The following PIK3R3 variants were observed in gnomAD, a reference collection of about 807,000 sequenced individuals.
PIK3R3 encodes the protein phosphoinositide-3-kinase regulatory subunit 3.
In PIK3R3, 64 loss-of-function variants were observed where a neutral mutation model predicts 62.9. The observed-to-expected ratio is 1.02, with a 90% CI of 0.83 to 1.25. The LOEUF is 1.25. Among genes scored for constraint, PIK3R3 ranks in the 50% most tolerant of loss-of-function variants. The pLI is 0.00. For missense variants in PIK3R3, 614 were observed against 561.6 expected, an observed-to-expected ratio of 1.09 and a Z score of -0.94; for synonymous variants, 165 against 189.0, an observed-to-expected ratio of 0.87 and a Z score of 1.04.
chr1:46,100,074 C>T (rs1045076704), intron 1 of PIK3R3, among the ~76,000 whole-genome samples: 1 of 151,968 alleles, frequency 6.6e-6, no homozygotes, highest in Non-Finnish European at 1.5e-5. Flanking sequence ...AGTTATTTTT[C>T]CTGCAAATAT....
intron 1 of PIK3R3, among the ~76,000 whole-genome samples, chr1:46,105,925 G>A (rs1041119829): frequency 1.3e-5 from 2 of 151,986 alleles, no homozygotes; most frequent in Non-Finnish European, 2.9e-5. Flanking sequence ...ATTAAGATAT[G>A]GCATAAATGA....
the PIK3R3 span, among the ~76,000 whole-genome samples, chr1:46,144,843 G>A: frequency 1.3e-5 from 2 of 151,850 alleles, no homozygotes; most frequent in African/African-American, 4.8e-5. Flanking sequence ...ACTGGGTTGA[G>A]GCTGGGCACG....
chr1:46,088,851 G>A (rs12123155), intron 1 of PIK3R3, among the ~76,000 whole-genome samples: 1 of 145,726 alleles, frequency 6.9e-6, no homozygotes, highest in African/African-American at 2.6e-5. Flanking sequence ...TGGGGGAAAA[G>A]AGAAGGTCCT....
intron 1 of PIK3R3, among the ~76,000 whole-genome samples, chr1:46,100,449 C>T (rs1387826620): frequency 6.6e-6 from 1 of 152,050 alleles, no homozygotes; most frequent in African/African-American, 2.4e-5. Context: ...TCTTTATATT[C>T]GGGGGTTCTA....
At chr1:46,065,800 A>C (rs1648933675) in intron 5 of PIK3R3, among the ~76,000 whole-genome samples, 1 of 152,252 alleles carries the variant, frequency 6.6e-6, no homozygotes, top group Non-Finnish European at 1.5e-5. Context: ...CTATATACAC[A>C]TGAAAGAAAA....
chr1:46,107,653 A>C (rs1388775367), intron 1 of PIK3R3, among the ~76,000 whole-genome samples: 1 of 152,210 alleles, frequency 6.6e-6, no homozygotes, highest in Non-Finnish European at 1.5e-5. Flanking sequence ...TTCACAGTCC[A>C]AGTTCAAATA....
chr1:46,081,597 C>T, intron 1 of PIK3R3, among the ~76,000 whole-genome samples: 1 of 152,150 alleles, frequency 6.6e-6, no homozygotes, highest in East Asian at 1.9e-4. Context: ...TACCCCCAGC[C>T]TAACCCCACC....
At chr1:46,119,022 C>T (rs1483061314) in intron 1 of PIK3R3, among the ~76,000 whole-genome samples, 1 of 152,150 alleles carries the variant, frequency 6.6e-6, no homozygotes, top group African/African-American at 2.4e-5. Context: ...ATGACCTGCT[C>T]TCCCATTGCT....
At chr1:46,071,602 G>A (rs1389412959) in intron 3 of PIK3R3, among the ~76,000 whole-genome samples, 1 of 148,960 alleles carries the variant, frequency 6.7e-6, no homozygotes, top group Non-Finnish European at 1.5e-5. Flanking sequence ...GCTGAGGCAG[G>A]AGAATCACTT....
chr1:46,065,973 G>C (rs974852962), intron 5 of PIK3R3, 81 bp downstream of exon 5: 2 of 1,251,380 alleles, frequency 1.6e-6, no homozygotes, highest in African/African-American at 2.9e-5. Flanking sequence ...AACAGCTAAA[G>C]ATCATCAAGT....
the PIK3R3 span, among the ~76,000 whole-genome samples, chr1:46,139,935 G>A: frequency 2.6e-5 from 4 of 152,124 alleles, no homozygotes; most frequent in African/African-American, 4.8e-5. Flanking sequence ...CCAGGACCCT[G>A]CAAACAAGAA....
chr1:46,090,533 C>A (rs1651529036), intron 1 of PIK3R3, among the ~76,000 whole-genome samples: 1 of 151,832 alleles, frequency 6.6e-6, no homozygotes, highest in South Asian at 2.1e-4. Flanking sequence ...GGGGGTTTCA[C>A]CATACTGGCC....
intron 1 of PIK3R3, among the ~76,000 whole-genome samples, chr1:46,103,063 C>A (rs549064177): frequency 2.6e-5 from 4 of 152,124 alleles, no homozygotes; most frequent in East Asian, 3.9e-4. Flanking sequence ...GTGAAATAAG[C>A]CAAAGACAAA....
chr1:46,056,266 G>A (rs1053529820), intron 6 of PIK3R3: 10 of 216,910 alleles, frequency 4.6e-5, no homozygotes, highest in African/African-American at 2.1e-4. Flanking sequence ...GACCAGGCTG[G>A]TCTCAAACTT....
Position 46,043,564 on chromosome 1 carries a change from C to T in PIK3R3, c.*109G>A. 6.1e-6 allele frequency: 6 copies of T among 985,332 alleles called. No individual in the cohort carries two copies. Among genetic ancestry groups the T allele is most frequent in the Non-Finnish European group, 7.7e-6 (5 of 652,436 alleles). 61.0% of individuals were successfully genotyped at this position (985,332 alleles called of 1,614,324 possible). A position where few individuals can be genotyped will look rare whatever the true frequency, so the allele number is the denominator to read the frequency against. ...CCTCTCCACTTCACATTCACAAAAT[C>T]ACTTCTTGTGCAAAACAAGCAGTCT... On this transcript the variant is annotated 3_prime_UTR_variant, in exon 10 of 10. Transcript: ENST00000262741.
intron 3 of PIK3R3, among the ~76,000 whole-genome samples, chr1:46,069,871 C>T (rs1406555626): frequency 2.0e-5 from 3 of 152,130 alleles, no homozygotes; most frequent in African/African-American, 7.2e-5. Flanking sequence ...AAAACCAATA[C>T]GTACAAAAGC....
At chr1:46,060,522 A>C (rs893676731) in intron 6 of PIK3R3, among the ~76,000 whole-genome samples, 1 of 152,222 alleles carries the variant, frequency 6.6e-6, no homozygotes, top group African/African-American at 2.4e-5. Context: ...CATTTACTGA[A>C]AGCACATCAT....
At chr1:46,105,642 G>A (rs1019236881) in intron 1 of PIK3R3, among the ~76,000 whole-genome samples, 4 of 151,956 alleles carry the variant, frequency 2.6e-5, no homozygotes, top group South Asian at 2.1e-4. Flanking sequence ...CCAACACAGC[G>A]AAACCCCATC....
chr1:46,145,078 G>A, the PIK3R3 span, among the ~76,000 whole-genome samples: 25 of 149,502 alleles, frequency 1.7e-4, no homozygotes, highest in Middle Eastern at 3.4e-3. Flanking sequence ...AGCTAAGATC[G>A]CGCCATTGCA....
Sources: allele counts gnomAD v4.1 joint callset (sites outside exome capture counted in the v4.1 genomes callset), GRCh38; gene constraint gnomAD v4.1.1; transcripts MANE v1.5; gene names NCBI Gene and HGNC (gene_info 2026-07-23, HGNC 2026-07-21).